The following UHRF2 variants were observed in gnomAD, a reference collection of about 807,000 sequenced individuals.
UHRF2 encodes the protein E3 ubiquitin-protein ligase UHRF2.
A neutral mutation model predicts 96.8 loss-of-function variants in UHRF2; 23 were observed. The ratio of observed to expected loss-of-function variants is 0.24; its 90% CI spans 0.17 to 0.34. UHRF2 has a LOEUF of 0.34. Among genes scored for constraint, UHRF2 ranks in the 10% least tolerant of loss-of-function variants. The probability of loss-of-function intolerance (pLI) is 1.00; values close to 1 mark genes in which losing one functional copy is unlikely to be tolerated. For synonymous variants in UHRF2, 385 were observed against 332.6 expected (o/e 1.16, Z -1.72); for missense variants, 685 against 981.5 (o/e 0.70, Z 4.04).
intron 3 of UHRF2, among the ~76,000 whole-genome samples, chr9:6,456,459 A>C (rs1405325728): frequency 1.3e-5 from 2 of 152,132 alleles, no homozygotes; most frequent in Non-Finnish European, 2.9e-5. Context: ...TAGATTGCAA[A>C]AATGTTCTCT....
intron 3 of UHRF2, among the ~76,000 whole-genome samples, chr9:6,448,731 G>A (rs139410455): frequency 5.6e-4 from 86 of 152,298 alleles, no homozygotes; most frequent in African/African-American, 1.8e-3. Context: ...AGATAAGAAT[G>A]GAAAGTTTTC....
chr9:6,471,653 T>G (rs1251508094), intron 4 of UHRF2, among the ~76,000 whole-genome samples: 1 of 152,290 alleles, frequency 6.6e-6, no homozygotes, highest in African/African-American at 2.4e-5. Flanking sequence ...ATGGCTTAAC[T>G]GCAATCTCAT....
chr9:6,499,542 T>C (rs569076845), intron 12 of UHRF2: 3 of 187,030 alleles, frequency 1.6e-5, no homozygotes, highest in Non-Finnish European at 3.3e-5. Context: ...CCTTAAACTT[T>C]AAGGAAATCT....
chr9:6,458,480 ATC>A (rs1822318157), intron 3 of UHRF2, among the ~76,000 whole-genome samples: 1 of 147,734 alleles, frequency 6.8e-6, no homozygotes. Context: ...AGGGTTTTTC[ATC>A]TCTCTATCTC....
intron 4 of UHRF2, chr9:6,468,761 C>G (rs1823034820): frequency 6.7e-6 from 3 of 449,902 alleles, no homozygotes; most frequent in Non-Finnish European, 1.3e-5. Flanking sequence ...TTTAGGGTAA[C>G]TGGTGTAATG....
At chr9:6,473,698 C>A (rs1416307862) in intron 4 of UHRF2, among the ~76,000 whole-genome samples, 2 of 152,120 alleles carry the variant, frequency 1.3e-5, no homozygotes, top group African/African-American at 4.8e-5. Flanking sequence ...AATAGTTTAA[C>A]ATGGGGGCCA....
intron 2 of UHRF2, among the ~76,000 whole-genome samples, chr9:6,428,976 C>T (rs891595118): frequency 6.6e-6 from 1 of 152,130 alleles, no homozygotes; most frequent in Admixed American, 6.5e-5. Context: ...ACCAGCCTGG[C>T]CAACATGGTG....
chr9:6,496,945 T>C, intron 10 of UHRF2: 2 of 372,912 alleles, frequency 5.4e-6, no homozygotes, highest in Non-Finnish European at 9.7e-6. Flanking sequence ...GTGGCACAGA[T>C]GTTATTACTT....
chr9:6,480,177 G>A (rs1192709928), intron 6 of UHRF2, among the ~76,000 whole-genome samples: 1 of 152,062 alleles, frequency 6.6e-6, no homozygotes, highest in East Asian at 1.9e-4. Context: ...TTATGCCTCA[G>A]GACCTTTGCA....
chr9:6,440,264 A>G (rs986926796), intron 3 of UHRF2, among the ~76,000 whole-genome samples: 23 of 152,186 alleles, frequency 1.5e-4, no homozygotes, highest in Non-Finnish European at 1.8e-4. Flanking sequence ...TATTTTAGAG[A>G]ATGTTGTCTT....
At chr9:6,459,432 A>T (rs1034480675) in intron 3 of UHRF2, among the ~76,000 whole-genome samples, 12 of 151,976 alleles carry the variant, frequency 7.9e-5, no homozygotes, top group Non-Finnish European at 1.6e-4. Context: ...ACTTTGTGAG[A>T]CTGAGGCGGG....
At chr9:6,434,852 A>G (rs1458573405) in intron 3 of UHRF2, among the ~76,000 whole-genome samples, 1 of 151,990 alleles carries the variant, frequency 6.6e-6, no homozygotes, top group Admixed American at 6.6e-5. Context: ...GGGGGTGGGG[A>G]CCGGGTCCCA....
chr9:6,437,734 C>T (rs1820936360), intron 3 of UHRF2, among the ~76,000 whole-genome samples: 1 of 152,150 alleles, frequency 6.6e-6, no homozygotes, highest in African/African-American at 2.4e-5. Context: ...TCTCGTGCCT[C>T]AGCCTCCCAA....
At chr9:6,422,260 C>T (rs1299254121) in intron 2 of UHRF2, among the ~76,000 whole-genome samples, 2 of 151,290 alleles carry the variant, frequency 1.3e-5, no homozygotes, top group African/African-American at 4.9e-5. Context: ...TTTTATATTT[C>T]CAGTAGAGAC....
chr9:6,479,169 C>T (rs1823773305), intron 6 of UHRF2, among the ~76,000 whole-genome samples: 1 of 152,184 alleles, frequency 6.6e-6, no homozygotes, highest in Admixed American at 6.6e-5. Flanking sequence ...TTCTTTCATG[C>T]AAAGATTCTC....
chr9:6,498,954 G>T (rs1385888367), intron 12 of UHRF2: 1 of 152,200 alleles, frequency 6.6e-6, no homozygotes, highest in Non-Finnish European at 1.5e-5. Flanking sequence ...ATGCAAGTCT[G>T]TTTCTGTTTT....
chr9:6,506,518 G>A lies in UHRF2; in HGVS notation c.*339G>A, dbSNP rs1816591182. On this transcript the variant is annotated 3_prime_UTR_variant, in exon 16 of 16. Coordinates refer to ENST00000276893, the MANE Select transcript of UHRF2 (RefSeq NM_152896.3). Reference sequence around the variant, plus strand: ...AAAATCATTGAATAACTAGTTAAATGAAATTTTAGCTACACACTGCCTCCC... The same window carrying A: ...AAAATCATTGAATAACTAGTTAAATAAAATTTTAGCTACACACTGCCTCCC... The A allele has an allele frequency of 5.8e-6, 1 of 171,602 alleles. No homozygotes were observed. The highest frequency in any genetic ancestry group is 6.2e-5 in the Admixed American group (1 of 16,222). The allele number at this position is 171,602 out of a possible 1,614,324, so 10.6% of individuals were successfully genotyped here. A position where few individuals can be genotyped will look rare whatever the true frequency, so the allele number is the denominator to read the frequency against.
At chr9:6,413,734 C>CG in intron 1 of UHRF2, 91 bp downstream of exon 1, 1 of 1,322,308 alleles carries the variant, frequency 7.6e-7, no homozygotes, top group Non-Finnish European at 9.7e-7. Flanking sequence ...CTGTGCGCCG[C>CG]GCGCGCAGGG....
At chr9:6,472,299 T>C (rs1388885630) in intron 4 of UHRF2, among the ~76,000 whole-genome samples, 1 of 152,212 alleles carries the variant, frequency 6.6e-6, no homozygotes, top group Non-Finnish European at 1.5e-5. Context: ...ATTTATCTTA[T>C]GAAAATAAGC....
Sources: allele counts gnomAD v4.1 joint callset (sites outside exome capture counted in the v4.1 genomes callset), GRCh38; gene constraint gnomAD v4.1.1; transcripts MANE v1.5; gene names NCBI Gene and HGNC (gene_info 2026-07-23, HGNC 2026-07-21).